Variants in ADRA1A observed in about 807,000 individuals in gnomAD.
ADRA1A encodes the protein alpha-1A adrenergic receptor.
Under a neutral mutation model 29.6 loss-of-function variants are expected in ADRA1A, and 31 were observed. The ratio of observed to expected loss-of-function variants is 1.05; its 90% CI spans 0.79 to 1.41. The LOEUF (loss-of-function observed/expected upper bound fraction) is 1.41, where lower values mean the gene tolerates loss of function less well. Among genes scored for constraint, ADRA1A ranks in the 40% most tolerant of loss-of-function variants. ADRA1A has a pLI of 0.00. For synonymous variants in ADRA1A, 311 were observed against 254.3 expected (o/e 1.22, Z -2.12); for missense variants, 619 against 601.1 (o/e 1.03, Z -0.31).
At chr8:26,773,851 T>C (rs1372541609) in intron 2 of ADRA1A, among the ~76,000 whole-genome samples, 5 of 152,174 alleles carry the variant, frequency 3.3e-5, no homozygotes, top group African/African-American at 9.7e-5. Context: ...TCTTGGGCCC[T>C]CTCTCTAGTC....
rs144296293 is a variant in ADRA1A, at chr8:26,867,152, G to C, written c.-903C>G. ...TCACTTTACCTGCATTTTTTAAAAAGAGTCAAAATAAGAAAAGAAAAAAAA... is the reference window on the plus strand; with the variant it reads ...TCACTTTACCTGCATTTTTTAAAAACAGTCAAAATAAGAAAAGAAAAAAAA... On this transcript the variant is annotated 5_prime_UTR_variant, in exon 1 of 3. Coordinates refer to ENST00000380573, the MANE Select transcript of ADRA1A (RefSeq NM_000680.4). The C allele has an allele frequency of 2.0e-4, 193 of 985,296 alleles. 1 individual carries two copies. The African/African-American group carries it at 3.1e-3, about 16-fold the overall frequency. The allele number at this position is 985,296 out of a possible 1,614,324, so 61.0% of individuals were successfully genotyped here. A position where few individuals can be genotyped will look rare whatever the true frequency, so the allele number is the denominator to read the frequency against.
At chr8:26,777,462 T>A (rs960652854) in intron 2 of ADRA1A, among the ~76,000 whole-genome samples, 3 of 152,224 alleles carry the variant, frequency 2.0e-5, no homozygotes, top group Admixed American at 2.0e-4. Flanking sequence ...GGAACCTCAC[T>A]TAGCCTGTAT....
At chr8:26,777,588 C>T (rs1806641343) in intron 2 of ADRA1A, among the ~76,000 whole-genome samples, 1 of 152,234 alleles carries the variant, frequency 6.6e-6, no homozygotes, top group South Asian at 2.1e-4. Context: ...TGAAATTGTA[C>T]AGCTCTCCAT....
chr8:26,797,959 T>A (rs1472104761), intron 2 of ADRA1A, among the ~76,000 whole-genome samples: 1 of 151,728 alleles, frequency 6.6e-6, no homozygotes, highest in Non-Finnish European at 1.5e-5. Flanking sequence ...CAGATACAAA[T>A]TCTCATCTGC....
chr8:26,764,804 A>G (rs1349245470), downstream of ADRA1A, among the ~76,000 whole-genome samples: 1 of 152,214 alleles, frequency 6.6e-6, no homozygotes, highest in Non-Finnish European at 1.5e-5. Context: ...CTGCGTTTGA[A>G]TGCACCTACA....
intron 2 of ADRA1A, chr8:26,779,149 T>C (rs899119381): frequency 1.7e-6 from 1 of 593,574 alleles, no homozygotes; most frequent in African/African-American, 1.9e-5. Context: ...GATGATATGC[T>C]TTCCAATGGT....
chr8:26,833,358 A>C (rs1811124777), intron 2 of ADRA1A, among the ~76,000 whole-genome samples: 2 of 152,202 alleles, frequency 1.3e-5, no homozygotes, highest in African/African-American at 4.8e-5. Flanking sequence ...GGTTGGGAAT[A>C]GAACCAAGAG....
intron 2 of ADRA1A, among the ~76,000 whole-genome samples, chr8:26,820,194 T>A (rs1057360479): frequency 1.3e-5 from 2 of 152,120 alleles, no homozygotes; most frequent in Non-Finnish European, 2.9e-5. Context: ...ATCATACAGA[T>A]GAAAAATCAA....
intron 2 of ADRA1A, among the ~76,000 whole-genome samples, chr8:26,845,278 G>A (rs1812116953): frequency 6.6e-6 from 1 of 152,120 alleles, no homozygotes; most frequent in Non-Finnish European, 1.5e-5. Context: ...ATGGGCAAAG[G>A]ATGTGAATAG....
chr8:26,795,970 G>A (rs1808164267), intron 2 of ADRA1A, among the ~76,000 whole-genome samples: 1 of 151,954 alleles, frequency 6.6e-6, no homozygotes, highest in South Asian at 2.1e-4. Context: ...AAATAAAAAA[G>A]TTCTAAAAGT....
At position 26,848,266 on chromosome 8, in the gene ADRA1A, C is replaced by G. The variant is rs1266227359; in HGVS notation, c.883+15821G>C. ...GACACAGTAAGTGCCATGCAAGTACCACTAATATGGATGGAAAGTTTGTGT... is the reference window on the plus strand; with the variant it reads ...GACACAGTAAGTGCCATGCAAGTACGACTAATATGGATGGAAAGTTTGTGT... On this transcript the variant is annotated intron_variant, in intron 2 of 2. Coordinates refer to ENST00000380573, the MANE Select transcript of ADRA1A (RefSeq NM_000680.4). This position sits in a 1 kb window ranked among gnomAD's most constrained non-coding sequence, Gnocchi z 4.3. Among the ~76,000 whole-genome samples, 1 of 152,182 alleles carries G rather than the reference C, an allele frequency of 6.6e-6. No individual in the cohort carries two copies. The highest frequency in any genetic ancestry group is 1.9e-4 in the East Asian group (1 of 5,190).
chr8:26,864,193 C>T lies in ADRA1A; in HGVS notation c.777G>A (p.Val259=). 6.2e-7 allele frequency: 1 copy of T among 1,614,166 alleles called. No homozygotes were observed. ...TCTCCCGGGAGAACTTGAGGAGCCT[C>T]ACTGAGAAGTGCGTCTTGGTCTTGG... ...ASAKTKTHFS[V]RLLKFSREKK... The change falls in exon 2 of 3, where the codon GTG becomes GTA. Residue 259 remains valine (V), a synonymous_variant. Coordinates refer to ENST00000380573, the MANE Select transcript of ADRA1A (RefSeq NM_000680.4). The surrounding 1 kb of genome is among the most constrained non-coding windows in gnomAD (Gnocchi z 8.1).
At position 26,866,797 on chromosome 8, in the gene ADRA1A, G is replaced by C. The variant is rs1405534067; in HGVS notation, c.-687+139C>G. Reference sequence around the variant, plus strand: ...CAGAAGATGTAAGGGAATCGGGGGTGGGGTAGAGGGGCCGGTATAAAACCT... The same window carrying C: ...CAGAAGATGTAAGGGAATCGGGGGTCGGGTAGAGGGGCCGGTATAAAACCT... On this transcript the variant is annotated intron_variant, in intron 1 of 2. Transcript: ENST00000380573. This position sits in a 1 kb window ranked among gnomAD's most constrained non-coding sequence, Gnocchi z 5.7. 1 of 758,606 alleles carries C rather than the reference G, an allele frequency of 1.3e-6. No homozygotes were observed. Among genetic ancestry groups the C allele is most frequent in the Non-Finnish European group, 1.6e-6 (1 of 621,886 alleles). 47.0% of individuals were successfully genotyped at this position (758,606 alleles called of 1,614,324 possible).
At chr8:26,760,991 G>T (rs1805478608), downstream of ADRA1A, among the ~76,000 whole-genome samples, 1 of 152,182 alleles carries the variant, frequency 6.6e-6, no homozygotes, top group Non-Finnish European at 1.5e-5. Context: ...CTTATTACTT[G>T]TTCTGCTGTG....
chr8:26,803,661 C>A (rs1368731716), intron 2 of ADRA1A, among the ~76,000 whole-genome samples: 2 of 152,026 alleles, frequency 1.3e-5, no homozygotes, highest in Admixed American at 6.6e-5. Context: ...ACAATACAGA[C>A]AATATAAATT....
At chr8:26,803,614 A>C (rs1163423985) in intron 2 of ADRA1A, among the ~76,000 whole-genome samples, 1 of 152,236 alleles carries the variant, frequency 6.6e-6, no homozygotes, top group African/African-American at 2.4e-5. Context: ...TCATCAAAAG[A>C]TGGCATTAAC....
intron 2 of ADRA1A, among the ~76,000 whole-genome samples, chr8:26,795,884 G>A (rs1267522173): frequency 6.6e-6 from 1 of 152,014 alleles, no homozygotes; most frequent in African/African-American, 2.4e-5. Context: ...GAAAGCGTAA[G>A]GGAGAACTTG....
rs567964132 is a variant in ADRA1A, at chr8:26,783,566, T to C, written c.884-12900A>G. ...ACTGTTCCAGAGATAGTGGTGACAA[T>C]GATTCAGAAAGTTTTGTAAAACCTG... On this transcript the variant is annotated intron_variant, in intron 2 of 2. Coordinates refer to ENST00000380573, the MANE Select transcript of ADRA1A (RefSeq NM_000680.4). Among the ~76,000 whole-genome samples, 13 of 152,286 alleles carry C rather than the reference T, an allele frequency of 8.5e-5. No homozygotes were observed. The South Asian group carries it at 2.5e-3, about 29-fold the overall frequency.
At chr8:26,784,867 T>C (rs1807259980) in intron 2 of ADRA1A, among the ~76,000 whole-genome samples, 1 of 152,224 alleles carries the variant, frequency 6.6e-6, no homozygotes, top group African/African-American at 2.4e-5. Flanking sequence ...ATAGGAAGAC[T>C]GATTTGGGCT....
Sources: allele counts gnomAD v4.1 joint callset (sites outside exome capture counted in the v4.1 genomes callset), GRCh38; gene constraint gnomAD v4.1.1; non-coding constraint Gnocchi (gnomAD v3.1); transcripts MANE v1.5; gene names NCBI Gene and HGNC (gene_info 2026-07-23, HGNC 2026-07-21).